The following FUT8 variants were observed in gnomAD, a reference collection of about 807,000 sequenced individuals.
FUT8 encodes alpha-(1,6)-fucosyltransferase.
FUT8 carries 29 observed loss-of-function variants against 71.3 expected under a neutral mutation model. The ratio of observed to expected loss-of-function variants is 0.41; its 90% CI spans 0.30 to 0.55. FUT8 has a LOEUF of 0.55. Ranked by LOEUF, FUT8 falls within the 20% of genes least tolerant of loss-of-function variation. FUT8 has a pLI of 0.34. For missense variants in FUT8, 544 were observed against 702.1 expected (o/e 0.77, Z 2.55); for synonymous variants, 254 against 239.3 (o/e 1.06, Z -0.57).
In FUT8 at chr14:65,495,098, C is replaced by G. The variant is rs1329751843; in HGVS notation, c.-228+39380C>G. ...CTTTGTACCTCTTTCTGGAACCTTT[C>G]AGAACCTTTTTTTTTCTTTTTATAG... On this transcript the variant is annotated intron_variant, in intron 2 of 10. Coordinates refer to ENST00000673929, the MANE Select transcript of FUT8 (RefSeq NM_001371533.1). 3.3e-5 allele frequency among the ~76,000 whole-genome samples: 5 copies of G among 151,142 alleles called. No individual in the cohort carries two copies. In the East Asian group the frequency reaches 9.7e-4, roughly 29 times the overall value.
At chr14:65,616,844 TAA>T (rs1343216584) in intron 5 of FUT8, among the ~76,000 whole-genome samples, 42 of 152,052 alleles carry the variant, frequency 2.8e-4, no homozygotes, top group Admixed American at 5.2e-4. Context: ...TTTCTTTAAG[TAA>T]AAAGGAGCAT....
chr14:65,594,776 A>G (rs1256412920), intron 3 of FUT8, among the ~76,000 whole-genome samples: 1 of 152,020 alleles, frequency 6.6e-6, no homozygotes, highest in African/African-American at 2.4e-5. Flanking sequence ...TTCTGAAGTC[A>G]AGTTGCCTCA....
intron 2 of FUT8, chr14:65,479,676 G>GT (rs2066300021): frequency 6.8e-6 from 1 of 146,754 alleles, no homozygotes. Context: ...TTCTTTGCTT[G>GT]TTTTTGATCT....
chr14:65,390,198 A>C, the FUT8 span, among the ~76,000 whole-genome samples: 1 of 151,046 alleles, frequency 6.6e-6, no homozygotes, highest in Non-Finnish European at 1.5e-5. Context: ...ATATATGTAT[A>C]TATACAGTAT....
chr14:65,561,490 A>C lies in FUT8; in HGVS notation c.-74A>C, dbSNP rs765174227. ...CAGAAGTCTATTCACCTGTGCACTA[A>C]CTAGAAACAGAGTTACAATGTTTTC... On this transcript the variant is annotated 5_prime_UTR_variant, in exon 3 of 11. Transcript: ENST00000673929. The C allele has an allele frequency of 1.1e-4, 154 of 1,413,332 alleles. No individual in the cohort carries two copies. Among genetic ancestry groups the C allele is most frequent in the Non-Finnish European group, 1.5e-4 (150 of 1,007,042 alleles). 87.5% of individuals were successfully genotyped at this position (1,413,332 alleles called of 1,614,324 possible). A position where few individuals can be genotyped will look rare whatever the true frequency, so the allele number is the denominator to read the frequency against.
the FUT8 span, among the ~76,000 whole-genome samples, chr14:65,380,677 C>G: frequency 4.6e-5 from 7 of 152,202 alleles, no homozygotes; most frequent in African/African-American, 1.7e-4. Context: ...TCCTCCAAGG[C>G]TCTTTCAGGC....
the FUT8 span, among the ~76,000 whole-genome samples, chr14:65,358,920 T>C: frequency 1.3e-5 from 2 of 152,312 alleles, no homozygotes; most frequent in South Asian, 2.1e-4. Context: ...CTTAACAGCA[T>C]ATGGTTACCC....
At chr14:65,531,308 C>T (rs1249850791) in intron 2 of FUT8, among the ~76,000 whole-genome samples, 1 of 151,720 alleles carries the variant, frequency 6.6e-6, no homozygotes. Context: ...TATTTGAGTT[C>T]CTGTACTAGG....
At chr14:65,728,724 G>T (rs1458930928) in intron 9 of FUT8, among the ~76,000 whole-genome samples, 1 of 152,128 alleles carries the variant, frequency 6.6e-6, no homozygotes, top group East Asian at 1.9e-4. Flanking sequence ...ACTACCTTCA[G>T]TATTCAATAC....
intron 1 of FUT8, among the ~76,000 whole-genome samples, chr14:65,428,790 G>A (rs2065425956): frequency 6.6e-6 from 1 of 152,204 alleles, no homozygotes; most frequent in African/African-American, 2.4e-5. Flanking sequence ...ATTGAAACTT[G>A]TTATGAAGAG....
chr14:65,439,950 G>GTATATA (rs1347777296), intron 1 of FUT8, among the ~76,000 whole-genome samples: 1 of 32,592 alleles, frequency 3.1e-5, no homozygotes, highest in Non-Finnish European at 7.6e-5. Flanking sequence ...GTGTGTGTGT[G>GTATATA]TGTGTATATA....
At chr14:65,425,234 C>T (rs1286624124) in intron 1 of FUT8, among the ~76,000 whole-genome samples, 1 of 151,136 alleles carries the variant, frequency 6.6e-6, no homozygotes, top group African/African-American at 2.4e-5. Context: ...GGCACGAACT[C>T]GGCTCACCAC....
intron 7 of FUT8, among the ~76,000 whole-genome samples, chr14:65,706,091 AT>A (rs1354769041): frequency 2.0e-5 from 3 of 152,218 alleles, no homozygotes; most frequent in Non-Finnish European, 4.4e-5. Context: ...TACATGTAAC[AT>A]TTTATTTCAT....
chr14:65,491,357 G>A (rs1420294702), intron 2 of FUT8, among the ~76,000 whole-genome samples: 1 of 152,124 alleles, frequency 6.6e-6, no homozygotes, highest in Non-Finnish European at 1.5e-5. Context: ...AATGACAATA[G>A]GTAGCAAGTT....
chr14:65,718,575 C>G (rs1895248011), intron 7 of FUT8, among the ~76,000 whole-genome samples: 1 of 152,260 alleles, frequency 6.6e-6, no homozygotes, highest in South Asian at 2.1e-4. Flanking sequence ...ACCTTCAGAT[C>G]ATTTTTTAAT....
At chr14:65,696,031 C>A (rs73268588) in intron 7 of FUT8, among the ~76,000 whole-genome samples, 3,273 of 152,158 alleles carry the variant, frequency 0.022, 39 homozygotes, top group African/African-American at 0.037. Context: ...ACAGAGTATT[C>A]CTAATTTCTC....
rs1890938905 is a variant in FUT8 at position 65,643,487 on chromosome 14, T to C, written c.597+13881T>C. On this transcript the variant is annotated intron_variant, in intron 6 of 10. Coordinates refer to ENST00000673929, the MANE Select transcript of FUT8 (RefSeq NM_001371533.1). This position sits in a 1 kb window ranked among gnomAD's most constrained non-coding sequence, Gnocchi z 4.5. Reference sequence around the variant, plus strand: ...GGCTAACATGGTGAAACCCTGTCTCTACTAAAAATACAAAAGATTAGCCGG... The same window carrying C: ...GGCTAACATGGTGAAACCCTGTCTCCACTAAAAATACAAAAGATTAGCCGG... Among the ~76,000 whole-genome samples, 1 of 151,978 alleles carries C rather than the reference T, an allele frequency of 6.6e-6. No homozygotes were observed. Among genetic ancestry groups the C allele is most frequent in the East Asian group, 1.9e-4 (1 of 5,180 alleles).
At chr14:65,415,174 G>T (rs1272662690) in intron 1 of FUT8, among the ~76,000 whole-genome samples, 2 of 152,118 alleles carry the variant, frequency 1.3e-5, no homozygotes, top group African/African-American at 4.8e-5. Context: ...TAGTACATTG[G>T]TCTGGAGGGG....
At chr14:65,367,743 C>G in the FUT8 span, among the ~76,000 whole-genome samples, 2 of 152,126 alleles carry the variant, frequency 1.3e-5, no homozygotes, top group Non-Finnish European at 2.9e-5. Flanking sequence ...CTGAAATTCT[C>G]TTTTCTCTCC....
Sources: allele counts gnomAD v4.1 joint callset (sites outside exome capture counted in the v4.1 genomes callset), GRCh38; gene constraint gnomAD v4.1.1; non-coding constraint Gnocchi (gnomAD v3.1); transcripts MANE v1.5; gene names NCBI Gene and HGNC (gene_info 2026-07-23, HGNC 2026-07-21).